NFIB: variants seen among roughly 807,000 people sequenced by gnomAD.
NFIB encodes the protein nuclear factor 1 B-type.
A neutral mutation model predicts 61.5 loss-of-function variants in NFIB; 11 were observed. The observed-to-expected ratio is 0.18, with a 90% confidence interval of 0.11 to 0.30. The LOEUF is 0.30. Ranked by LOEUF, NFIB falls within the 10% of genes least tolerant of loss-of-function variation. The pLI, the probability that NFIB is intolerant of heterozygous loss-of-function variation, is 1.00. For missense variants in NFIB, 471 were observed against 608.9 expected, an observed-to-expected ratio of 0.77 and a Z score of 2.38; for synonymous variants, 260 against 216.5, an observed-to-expected ratio of 1.20 and a Z score of -1.76.
the NFIB span, among the ~76,000 whole-genome samples, chr9:14,512,404 TA>T: frequency 0.74 from 113,014 of 152,008 alleles, 42,397 homozygotes; most frequent in Non-Finnish European, 0.8. Context: ...CATTACTAAG[TA>T]ATGATTTTTG....
chr9:14,426,505 G>A, the NFIB span, among the ~76,000 whole-genome samples: 7 of 152,242 alleles, frequency 4.6e-5, no homozygotes, highest in East Asian at 5.8e-4. Flanking sequence ...CATACAATGC[G>A]GACATGTAAT....
chr9:14,481,935 C>T, the NFIB span, among the ~76,000 whole-genome samples: 1 of 152,076 alleles, frequency 6.6e-6, no homozygotes, highest in Non-Finnish European at 1.5e-5. Context: ...ACCATTTTTA[C>T]CTTTGGTCCT....
At chr9:14,406,880 G>A in the NFIB span, among the ~76,000 whole-genome samples, 1 of 152,214 alleles carries the variant, frequency 6.6e-6, no homozygotes, top group African/African-American at 2.4e-5. Flanking sequence ...GTAGAGCAAA[G>A]CCTCACCTTC....
rs1401294394 is a variant in NFIB at position 14,089,514 on chromosome 9, T to C, written c.1468-1188A>G. 2.0e-5 allele frequency among the ~76,000 whole-genome samples: 3 copies of C among 152,142 alleles called. 1 individual carries two copies. The highest frequency in any genetic ancestry group is 6.3e-3 in the Middle Eastern group (2 of 316). Reference sequence around the variant, plus strand: ...CACATTTTGGGTACACTTAATCTAATGTATTGCCTGTTCCAACACTCAAAT... The same window carrying C: ...CACATTTTGGGTACACTTAATCTAACGTATTGCCTGTTCCAACACTCAAAT... On this transcript the variant is annotated intron_variant, in intron 10 of 10. Transcript: ENST00000380953.
At chr9:14,445,561 T>C in the NFIB span, among the ~76,000 whole-genome samples, 1 of 152,232 alleles carries the variant, frequency 6.6e-6, no homozygotes, top group South Asian at 2.1e-4. Context: ...CTGGCTTCTA[T>C]TTAGATGATC....
chr9:14,472,726 A>G, the NFIB span, among the ~76,000 whole-genome samples: 1 of 152,026 alleles, frequency 6.6e-6, no homozygotes, highest in African/African-American at 2.4e-5. Flanking sequence ...CTGTAGTCCC[A>G]GCTACTCGGG....
At chr9:14,165,753 A>G (rs75756140) in intron 3 of NFIB, among the ~76,000 whole-genome samples, 1 of 152,296 alleles carries the variant, frequency 6.6e-6, no homozygotes, top group African/African-American at 2.4e-5. Context: ...AAAGCCAGTC[A>G]CAAAAAGACA....
rs1243724295 is a variant in NFIB, at chr9:14,125,682, C to T, written c.1010G>A (p.Ser337Asn). The change falls in exon 7 of 11, where the codon AGC becomes AAC. Residue 337 changes from serine to asparagine, a missense_variant. Physicochemically the swap from Ser to Asn is conservative, Grantham distance 46. This residue lies in a region of NFIB where 372 missense variants were observed against 395.6 expected (regional missense o/e 0.94). Coordinates refer to ENST00000380953, the MANE Select transcript of NFIB (RefSeq NM_001190737.2). ...GGGATGGTGGTGCTGGGGGAAAGTG[C>T]TCAGTCTTGGGGAAGAATCCTGTGG... is the stretch of plus-strand genomic sequence containing the variant. ...ASPQDSSPRL[S>N]TFPQHHHPGI... The T allele has an allele frequency of 1.2e-6, 2 of 1,614,146 alleles. No individual in the cohort carries two copies. Among genetic ancestry groups the T allele is most frequent in the Non-Finnish European group, 1.7e-6 (2 of 1,180,010 alleles).
At chr9:14,145,504 G>A (rs948982333) in intron 6 of NFIB, among the ~76,000 whole-genome samples, 1 of 152,002 alleles carries the variant, frequency 6.6e-6, no homozygotes, top group African/African-American at 2.4e-5. Flanking sequence ...AGCAAAGAAG[G>A]AGCACTGAAT....
rs183445272 is a variant in NFIB, at chr9:14,267,928, T to C, written c.562+39061A>G. Among the ~76,000 whole-genome samples the C allele has an allele frequency of 1.3e-4, 20 of 151,026 alleles. No individual in the cohort carries two copies. The East Asian group carries it at 3.9e-3, about 30-fold the overall frequency. ...TGGGAAGATCACCTGAGGTCAGGAG[T>C]TCAAGACCAGCCTGGCCAACATGGT... On this transcript the variant is annotated intron_variant, in intron 2 of 10. Coordinates refer to ENST00000380953, the MANE Select transcript of NFIB (RefSeq NM_001190737.2).
chr9:14,452,857 G>A, the NFIB span, among the ~76,000 whole-genome samples: 1 of 152,240 alleles, frequency 6.6e-6, no homozygotes, highest in South Asian at 2.1e-4. Context: ...GGGAGGAGAA[G>A]GGGGAGAATC....
chr9:14,479,664 C>T, the NFIB span, among the ~76,000 whole-genome samples: 3 of 152,186 alleles, frequency 2.0e-5, no homozygotes, highest in Non-Finnish European at 2.9e-5. Flanking sequence ...ACTGTCATGT[C>T]TCACTTTCTT....
chr9:14,501,554 A>G, the NFIB span, among the ~76,000 whole-genome samples: 1 of 152,252 alleles, frequency 6.6e-6, no homozygotes, highest in Admixed American at 6.5e-5. Context: ...GAACATTAAC[A>G]ATGACGTAAT....
intron 2 of NFIB, among the ~76,000 whole-genome samples, chr9:14,259,746 C>CAA (rs111280008): frequency 6.6e-6 from 1 of 150,806 alleles, no homozygotes; most frequent in African/African-American, 2.4e-5. Flanking sequence ...ACTAAAAATA[C>CAA]AAAAAAAAAT....
chr9:14,180,949 T>G (rs939158925), intron 2 of NFIB: 1 of 152,196 alleles, frequency 6.6e-6, no homozygotes, highest in African/African-American at 2.4e-5. Flanking sequence ...TGTCATGTAC[T>G]GCCATATACT....
rs1388398186 is a variant in NFIB at position 14,083,107 on chromosome 9, A to C, written c.*5202T>G. The C allele has an allele frequency of 9.4e-6, 2 of 212,916 alleles. No homozygotes were observed. The highest frequency in any genetic ancestry group is 7.1e-5 in the East Asian group (1 of 14,066). 13.2% of individuals were successfully genotyped at this position (212,916 alleles called of 1,614,324 possible). A position where few individuals can be genotyped will look rare whatever the true frequency, so the allele number is the denominator to read the frequency against. On this transcript the variant is annotated 3_prime_UTR_variant, in exon 11 of 11. Coordinates refer to ENST00000380953, the MANE Select transcript of NFIB (RefSeq NM_001190737.2). ...AACCCTTTTATTATTAAAAAAAAAA[A>C]AAAACTACTTACAACCATTGAAGAA...
intron 2 of NFIB, among the ~76,000 whole-genome samples, chr9:14,238,229 T>C (rs1587844232): frequency 6.6e-6 from 1 of 151,864 alleles, no homozygotes; most frequent in African/African-American, 2.4e-5. Context: ...GGCTCAGCTG[T>C]ACTGGAGGGA....
rs535350815 is a variant in NFIB, at chr9:14,095,332, T to C, written c.1468-7006A>G. Reference sequence around the variant, plus strand: ...ATTACAGTACACACATGCATACATATATAAGAACTCAGGTAGCTGTGGGAG... The same window carrying C: ...ATTACAGTACACACATGCATACATACATAAGAACTCAGGTAGCTGTGGGAG... On this transcript the variant is annotated intron_variant, in intron 10 of 10. Transcript: ENST00000380953. Among the ~76,000 whole-genome samples the C allele has an allele frequency of 5.3e-5, 8 of 152,254 alleles. No homozygotes were observed. The East Asian group carries it at 1.2e-3, about 22-fold the overall frequency.
At chr9:14,201,664 T>C (rs1467802246) in intron 2 of NFIB, among the ~76,000 whole-genome samples, 1 of 152,184 alleles carries the variant, frequency 6.6e-6, no homozygotes. Flanking sequence ...TCCAAGATTG[T>C]GACCTCCTGT....
Sources: gnomAD v4.1 joint callset for allele counts (sites outside exome capture counted in the v4.1 genomes callset) on GRCh38, gnomAD v4.1.1 for gene constraint, gnomAD v4.1.1 regional missense constraint, MANE v1.5 for transcripts, NCBI Gene and HGNC (gene_info 2026-07-23, HGNC 2026-07-21) for gene names.